The following HS3ST3A1 variants were observed in gnomAD, a reference collection of about 807,000 sequenced individuals.
HS3ST3A1 encodes the protein heparan sulfate glucosamine 3-O-sulfotransferase 3A1.
HS3ST3A1 carries 19 observed loss-of-function variants against 25.7 expected under a neutral mutation model. The ratio of observed to expected loss-of-function variants is 0.74; its 90% CI spans 0.52 to 1.08. The LOEUF is 1.08. HS3ST3A1 is among the 50% of genes least tolerant of loss of function. The pLI is 0.00. For synonymous variants in HS3ST3A1, 226 were observed against 278.6 expected, an observed-to-expected ratio of 0.81 and a Z score of 1.88; for missense variants, 459 against 594.3, an observed-to-expected ratio of 0.77 and a Z score of 2.37.
At chr17:13,597,767 T>C (rs1341649416) in intron 1 of HS3ST3A1, among the ~76,000 whole-genome samples, 1 of 152,238 alleles carries the variant, frequency 6.6e-6, no homozygotes, top group Non-Finnish European at 1.5e-5. Context: ...ATTACTTCAC[T>C]CTTGGAAAAA....
At chr17:13,584,400 C>A (rs1908192107) in intron 1 of HS3ST3A1, among the ~76,000 whole-genome samples, 1 of 138,712 alleles carries the variant, frequency 7.2e-6, no homozygotes, top group Non-Finnish European at 1.5e-5. Context: ...AGCATTCATC[C>A]AAAGAGCACA....
In HS3ST3A1 at chr17:13,535,999, A is replaced by T. The variant is rs969641196; in HGVS notation, c.600-39181T>A. ...GTGACTCCAGAACCTTCCCAAAATG[A>T]CCTAGAGAACCACAGTTACTAATCT... On this transcript the variant is annotated intron_variant, in intron 1 of 1. Coordinates refer to ENST00000284110, the MANE Select transcript of HS3ST3A1 (RefSeq NM_006042.3). 2.6e-5 allele frequency among the ~76,000 whole-genome samples: 4 copies of T among 152,300 alleles called. No individual in the cohort carries two copies. The South Asian group carries it at 8.3e-4, about 32-fold the overall frequency.
intron 1 of HS3ST3A1, among the ~76,000 whole-genome samples, chr17:13,502,519 C>G (rs1381494537): frequency 6.6e-6 from 1 of 152,174 alleles, no homozygotes; most frequent in Non-Finnish European, 1.5e-5. Flanking sequence ...GTGCCTCACT[C>G]TTCTTATCAA....
At chr17:13,542,207 G>C (rs1344047828) in intron 1 of HS3ST3A1, among the ~76,000 whole-genome samples, 3 of 151,812 alleles carry the variant, frequency 2.0e-5, no homozygotes. Context: ...TGCACCTGCA[G>C]TCCCAGCTAC....
chr17:13,571,901 C>T (rs1290322255), intron 1 of HS3ST3A1, among the ~76,000 whole-genome samples: 2 of 152,028 alleles, frequency 1.3e-5, no homozygotes, highest in Non-Finnish European at 2.9e-5. Context: ...CTAGGACTAC[C>T]GGCATGTGCC....
rs576092420 is a variant in HS3ST3A1 at position 13,572,387 on chromosome 17, C to T, written c.599+28144G>A. Among the ~76,000 whole-genome samples, 12 of 152,174 alleles carry T rather than the reference C, an allele frequency of 7.9e-5. No homozygotes were observed. In the South Asian group the frequency reaches 2.1e-3, roughly 26 times the overall value. On this transcript the variant is annotated intron_variant, in intron 1 of 1. Transcript: ENST00000284110. ...CTTTCCATCCTAGGGGGTGACCGCTCGGACCACTTTCTTGTGGGACCCTAT... is the reference window on the plus strand; with the variant it reads ...CTTTCCATCCTAGGGGGTGACCGCTTGGACCACTTTCTTGTGGGACCCTAT...
chr17:13,593,923 G>C (rs184628704), intron 1 of HS3ST3A1, among the ~76,000 whole-genome samples: 2 of 152,222 alleles, frequency 1.3e-5, no homozygotes, highest in African/African-American at 4.8e-5. Context: ...CCTTAGTTCA[G>C]ACCCAGGATC....
chr17:13,518,129 C>G (rs541013454), intron 1 of HS3ST3A1, among the ~76,000 whole-genome samples: 1 of 152,104 alleles, frequency 6.6e-6, no homozygotes, highest in African/African-American at 2.4e-5. Flanking sequence ...AAGGATCCTA[C>G]AGTCTGACTT....
At chr17:13,571,737 C>T (rs1169933556) in intron 1 of HS3ST3A1, among the ~76,000 whole-genome samples, 1 of 152,134 alleles carries the variant, frequency 6.6e-6, no homozygotes, top group African/African-American at 2.4e-5. Context: ...CTGCTATATA[C>T]TGAAATTTTC....
At chr17:13,571,974 G>T (rs1407313248) in intron 1 of HS3ST3A1, among the ~76,000 whole-genome samples, 2 of 152,042 alleles carry the variant, frequency 1.3e-5, no homozygotes, top group Non-Finnish European at 2.9e-5. Context: ...TAGCCAGTTG[G>T]TCTCGAACTC....
At chr17:13,532,778 C>G (rs1345136917) in intron 1 of HS3ST3A1, among the ~76,000 whole-genome samples, 5 of 151,964 alleles carry the variant, frequency 3.3e-5, no homozygotes, top group Non-Finnish European at 7.4e-5. Flanking sequence ...ATGCAGGATT[C>G]AGGTTCTGGT....
intron 1 of HS3ST3A1, among the ~76,000 whole-genome samples, chr17:13,573,215 C>T (rs79149118): frequency 6.6e-6 from 1 of 152,166 alleles, no homozygotes; most frequent in Non-Finnish European, 1.5e-5. Flanking sequence ...CATCCACCCT[C>T]TCTGAATGCA....
At chr17:13,544,500 A>T (rs143536148) in intron 1 of HS3ST3A1, among the ~76,000 whole-genome samples, 250 of 152,254 alleles carry the variant, frequency 1.6e-3, no homozygotes, top group African/African-American at 5.7e-3. Context: ...TTACTGTTTC[A>T]CATTTCTTTC....
chr17:13,522,154 T>C (rs1052485211), intron 1 of HS3ST3A1, among the ~76,000 whole-genome samples: 4 of 152,042 alleles, frequency 2.6e-5, no homozygotes, highest in African/African-American at 9.7e-5. Flanking sequence ...ATAAGAGAAG[T>C]AATTGTTTCG....
At chr17:13,530,712 T>G (rs150970323) in intron 1 of HS3ST3A1, among the ~76,000 whole-genome samples, 2 of 152,188 alleles carry the variant, frequency 1.3e-5, no homozygotes, top group African/African-American at 4.8e-5. Context: ...TTTCTCTGCT[T>G]TATCCTCCCC....
At chr17:13,549,360 G>A (rs1000199492) in intron 1 of HS3ST3A1, among the ~76,000 whole-genome samples, 5 of 152,194 alleles carry the variant, frequency 3.3e-5, no homozygotes, top group African/African-American at 1.2e-4. Context: ...CACTGTGAGA[G>A]TCCACAGCTT....
At chr17:13,542,180 A>G (rs771634085) in intron 1 of HS3ST3A1, among the ~76,000 whole-genome samples, 51 of 152,076 alleles carry the variant, frequency 3.4e-4, no homozygotes, top group Middle Eastern at 6.3e-3. Flanking sequence ...ATACAAAAAT[A>G]GCTGGGCATG....
intron 1 of HS3ST3A1, among the ~76,000 whole-genome samples, chr17:13,516,589 A>T (rs1906061925): frequency 6.6e-6 from 1 of 152,196 alleles, no homozygotes; most frequent in African/African-American, 2.4e-5. Context: ...CAAGTTGTAC[A>T]CGCTTCTTGT....
At chr17:13,539,647 T>C (rs1182174017) in intron 1 of HS3ST3A1, among the ~76,000 whole-genome samples, 5 of 152,214 alleles carry the variant, frequency 3.3e-5, no homozygotes, top group African/African-American at 1.2e-4. Context: ...TCAGAGCACA[T>C]GATTCATATT....
Sources: allele counts gnomAD v4.1 joint callset (sites outside exome capture counted in the v4.1 genomes callset), GRCh38; gene constraint gnomAD v4.1.1; transcripts MANE v1.5; gene names NCBI Gene and HGNC (gene_info 2026-07-23, HGNC 2026-07-21).